The following C10orf90 variants were observed in gnomAD, a reference collection of about 807,000 sequenced individuals.
C10orf90 encodes the protein (E2-independent) E3 ubiquitin-conjugating enzyme FATS.
C10orf90 carries 56 observed loss-of-function variants against 62.5 expected under a neutral mutation model. The ratio of observed to expected loss-of-function variants is 0.90; its 90% CI spans 0.72 to 1.12. The LOEUF (loss-of-function observed/expected upper bound fraction) is 1.12. Among genes scored for constraint, C10orf90 ranks in the 50% most tolerant of loss-of-function variants. The pLI is 0.00. For missense variants in C10orf90, 970 were observed against 880.4 expected (o/e 1.10, Z -1.29); for synonymous variants, 386 against 340.4 (o/e 1.13, Z -1.47).
chr10:126,532,041 T>G, intron 2 of C10orf90, among the ~76,000 whole-genome samples: 1 of 152,196 alleles, frequency 6.6e-6, no homozygotes, highest in South Asian at 2.1e-4. Context: ...GTGTGTAGCA[T>G]ATAAACTTAG....
At chr10:126,471,691 C>A (rs2133769268) in intron 4 of C10orf90, among the ~76,000 whole-genome samples, 1 of 152,228 alleles carries the variant, frequency 6.6e-6, no homozygotes, top group East Asian at 1.9e-4. Context: ...ATTGTGCAGG[C>A]AACTCTCATT....
At chr10:126,553,133 G>T (rs887369813) in intron 2 of C10orf90, among the ~76,000 whole-genome samples, 3 of 151,836 alleles carry the variant, frequency 2.0e-5, no homozygotes, top group Non-Finnish European at 4.4e-5. Flanking sequence ...ATACAGAAAA[G>T]CTCTGATTTT....
chr10:126,543,985 C>A (rs779240489), intron 2 of C10orf90, among the ~76,000 whole-genome samples: 2 of 152,264 alleles, frequency 1.3e-5, no homozygotes, highest in Non-Finnish European at 2.9e-5. Flanking sequence ...GGCAAGCTGG[C>A]GAGCCCTGTG....
At chr10:126,578,481 G>A (rs1022102258) in intron 2 of C10orf90, among the ~76,000 whole-genome samples, 1 of 152,160 alleles carries the variant, frequency 6.6e-6, no homozygotes, top group Non-Finnish European at 1.5e-5. Context: ...GTTGGAAAAT[G>A]CCAAGTGTTA....
chr10:126,537,565 G>A (rs1233678664), intron 2 of C10orf90, among the ~76,000 whole-genome samples: 1 of 152,144 alleles, frequency 6.6e-6, no homozygotes, highest in Non-Finnish European at 1.5e-5. Flanking sequence ...GAGCTTCGAA[G>A]GTTGTTTTCC....
chr10:126,638,302 G>A (rs1233357728), intron 2 of C10orf90, among the ~76,000 whole-genome samples: 6 of 152,056 alleles, frequency 3.9e-5, no homozygotes, highest in Non-Finnish European at 7.4e-5. Flanking sequence ...TGGGACCTGG[G>A]CACCATCTCT....
At chr10:126,442,527 C>T (rs1329343523) in intron 7 of C10orf90, among the ~76,000 whole-genome samples, 1 of 56,458 alleles carries the variant, frequency 1.8e-5, no homozygotes, top group African/African-American at 7.8e-5. Flanking sequence ...TCCATTTGTT[C>T]CAAGGTATAG....
intron 2 of C10orf90, among the ~76,000 whole-genome samples, chr10:126,548,800 T>G (rs998512598): frequency 3.3e-5 from 5 of 151,624 alleles, no homozygotes; most frequent in African/African-American, 1.2e-4. Context: ...TGGAGTGCTG[T>G]GTGGTGCTGG....
intron 4 of C10orf90, among the ~76,000 whole-genome samples, chr10:126,477,054 T>C (rs1295658039): frequency 2.2e-5 from 3 of 135,278 alleles, no homozygotes; most frequent in African/African-American, 5.3e-5. Flanking sequence ...GGACTACAGG[T>C]GCCCAACATC....
chr10:126,508,784 C>T (rs1862920989), intron 3 of C10orf90, among the ~76,000 whole-genome samples: 1 of 152,134 alleles, frequency 6.6e-6, no homozygotes, highest in South Asian at 2.1e-4. Flanking sequence ...GCGGGGGCCT[C>T]CAGGCTTCCT....
intron 2 of C10orf90, among the ~76,000 whole-genome samples, chr10:126,529,963 A>G (rs1864048418): frequency 6.6e-6 from 1 of 152,232 alleles, no homozygotes; most frequent in Non-Finnish European, 1.5e-5. Flanking sequence ...TTTAATACAT[A>G]TTCTGGTTTC....
At chr10:126,476,908 C>CTTTTTTT (rs10590718) in intron 4 of C10orf90, among the ~76,000 whole-genome samples, 1 of 120,772 alleles carries the variant, frequency 8.3e-6, no homozygotes, top group East Asian at 2.3e-4. Context: ...CACCATTTTC[C>CTTTTTTT]TTTTTTTTTT....
chr10:126,437,107 C>A (rs192964361), intron 7 of C10orf90, among the ~76,000 whole-genome samples: 1 of 152,184 alleles, frequency 6.6e-6, no homozygotes, highest in Non-Finnish European at 1.5e-5. Context: ...CCTACTCAAG[C>A]TAGTCTTCTC....
At chr10:126,570,694 A>C in intron 2 of C10orf90, among the ~76,000 whole-genome samples, 1 of 152,138 alleles carries the variant, frequency 6.6e-6, no homozygotes, top group East Asian at 1.9e-4. Context: ...TAAATGAGAA[A>C]CCAAACAAGA....
chr10:126,535,120 A>AAT (rs1382515941), intron 2 of C10orf90, among the ~76,000 whole-genome samples: 1 of 152,136 alleles, frequency 6.6e-6, no homozygotes, highest in Non-Finnish European at 1.5e-5. Flanking sequence ...GATTCTGATA[A>AAT]ATATATATAC....
intron 2 of C10orf90, among the ~76,000 whole-genome samples, chr10:126,543,519 C>T (rs1031270450): frequency 2.0e-5 from 3 of 152,146 alleles, no homozygotes; most frequent in Non-Finnish European, 2.9e-5. Context: ...ATGAGGGCTA[C>T]GGCAGCATAG....
At chr10:126,497,085 C>T (rs376773776) in intron 4 of C10orf90, among the ~76,000 whole-genome samples, 27 of 152,188 alleles carry the variant, frequency 1.8e-4, no homozygotes, top group Admixed American at 6.5e-4. Context: ...ACAGCTGACA[C>T]GATCAATGTC....
chr10:126,453,961 C>T lies in C10orf90; in HGVS notation c.2188+5079G>A, dbSNP rs867654794. On this transcript the variant is annotated intron_variant, in intron 7 of 9. Transcript: ENST00000488181. The surrounding 1 kb of genome is among the most constrained non-coding windows in gnomAD (Gnocchi z 4.9). ...GAGTGGGCAGAGTCAGGCTGAGAGG[C>T]GTCTGGATTTTGGGGTGAGGGATGG... Among the ~76,000 whole-genome samples, 4 of 152,052 alleles carry T rather than the reference C, an allele frequency of 2.6e-5. No homozygotes were observed. Among genetic ancestry groups the T allele is most frequent in the Non-Finnish European group, 4.4e-5 (3 of 68,000 alleles).
chr10:126,487,506 C>G (rs950559019), intron 4 of C10orf90, among the ~76,000 whole-genome samples: 1 of 152,128 alleles, frequency 6.6e-6, no homozygotes, highest in Non-Finnish European at 1.5e-5. Flanking sequence ...AAGGACCTAA[C>G]AGAAAATAAT....
Sources: allele counts gnomAD v4.1 joint callset (sites outside exome capture counted in the v4.1 genomes callset), GRCh38; gene constraint gnomAD v4.1.1; non-coding constraint Gnocchi (gnomAD v3.1); transcripts MANE v1.5; gene names NCBI Gene and HGNC (gene_info 2026-07-23, HGNC 2026-07-21).